The following DLGAP2 variants were observed in gnomAD, a reference collection of about 807,000 sequenced individuals.
DLGAP2 encodes the protein DLG associated protein 2.
Under a neutral mutation model 100.3 loss-of-function variants are expected in DLGAP2, and 26 were observed. The ratio of observed to expected loss-of-function variants is 0.26; its 90% CI spans 0.19 to 0.36. The LOEUF (loss-of-function observed/expected upper bound fraction) is 0.36. Among genes scored for constraint, DLGAP2 ranks in the 10% least tolerant of loss-of-function variants. The pLI is 1.00. For synonymous variants in DLGAP2, 886 were observed against 630.1 expected (o/e 1.41, Z -6.08); for missense variants, 1,858 against 1,453.2 (o/e 1.28, Z -4.53).
At chr8:1,455,961 G>A (rs905815197) in intron 3 of DLGAP2, among the ~76,000 whole-genome samples, 3 of 152,198 alleles carry the variant, frequency 2.0e-5, no homozygotes, top group Admixed American at 6.5e-5. Context: ...CATGTGGTCA[G>A]ACCCATTACA....
intron 1 of DLGAP2, among the ~76,000 whole-genome samples, chr8:785,059 T>C (rs1821801458): frequency 6.6e-6 from 1 of 150,922 alleles, no homozygotes; most frequent in South Asian, 2.1e-4. Context: ...TACAAAACAA[T>C]ACAAAACATT....
intron 2 of DLGAP2, among the ~76,000 whole-genome samples, chr8:1,131,209 C>T (rs965441422): frequency 3.3e-5 from 5 of 152,088 alleles, no homozygotes; most frequent in African/African-American, 9.7e-5. Context: ...CATTAGTAGC[C>T]ACTCAGAGTC....
intron 1 of DLGAP2, among the ~76,000 whole-genome samples, chr8:751,383 G>T (rs1820784899): frequency 6.6e-6 from 1 of 152,212 alleles, no homozygotes; most frequent in South Asian, 2.1e-4. Context: ...CTGGTGTTTG[G>T]CTGCTGCAAG....
intron 8 of DLGAP2, among the ~76,000 whole-genome samples, chr8:1,641,317 C>T (rs1290247835): frequency 6.6e-6 from 1 of 152,134 alleles, no homozygotes; most frequent in Non-Finnish European, 1.5e-5. Flanking sequence ...TAAAGATTTT[C>T]CCCAAGTGTG....
At chr8:757,938 C>T (rs748805103) in intron 1 of DLGAP2, among the ~76,000 whole-genome samples, 9 of 152,130 alleles carry the variant, frequency 5.9e-5, no homozygotes, top group African/African-American at 9.7e-5. Flanking sequence ...GACTGCTGGG[C>T]GGCGTGGGGC....
intron 1 of DLGAP2, among the ~76,000 whole-genome samples, chr8:907,252 T>C (rs533018861): frequency 1.3e-5 from 2 of 152,350 alleles, no homozygotes; most frequent in East Asian, 3.9e-4. Flanking sequence ...TTTCCTCTAA[T>C]TGAGTTTAGA....
intron 3 of DLGAP2, among the ~76,000 whole-genome samples, chr8:1,463,861 G>T (rs1172722849): frequency 1.3e-5 from 2 of 152,214 alleles, no homozygotes; most frequent in Admixed American, 1.3e-4. Flanking sequence ...AGCTCTGCTG[G>T]GGTTTTCTTT....
At chr8:1,629,882 G>A in intron 7 of DLGAP2, among the ~76,000 whole-genome samples, 1 of 152,158 alleles carries the variant, frequency 6.6e-6, no homozygotes, top group East Asian at 1.9e-4. Context: ...GGGGGTAAAT[G>A]TAAGCTAAAT....
chr8:1,288,698 T>TGG (rs1300349909), intron 3 of DLGAP2, among the ~76,000 whole-genome samples: 1 of 150,044 alleles, frequency 6.7e-6, no homozygotes, highest in African/African-American at 2.5e-5. Flanking sequence ...TGTGTGTGTG[T>TGG]GGTTCTGTTA....
chr8:1,242,069 C>G (rs146674035), intron 2 of DLGAP2, among the ~76,000 whole-genome samples: 1 of 152,080 alleles, frequency 6.6e-6, no homozygotes, highest in Non-Finnish European at 1.5e-5. Flanking sequence ...TTTGGTATAA[C>G]GGGATTTAAT....
intron 3 of DLGAP2, among the ~76,000 whole-genome samples, chr8:1,400,003 G>C (rs1362550180): frequency 5.8e-4 from 3 of 5,136 alleles, no homozygotes; most frequent in Admixed American, 1.7e-3. Context: ...CTCCGGAGTC[G>C]TGTATTGAGT....
intron 3 of DLGAP2, among the ~76,000 whole-genome samples, chr8:1,383,117 C>T (rs1460432555): frequency 1.3e-5 from 2 of 152,206 alleles, no homozygotes; most frequent in African/African-American, 4.8e-5. Flanking sequence ...TATGTTGTGA[C>T]ATTGCAGGGA....
intron 2 of DLGAP2, among the ~76,000 whole-genome samples, chr8:935,737 G>GCT: frequency 6.6e-6 from 1 of 152,194 alleles, no homozygotes; most frequent in South Asian, 2.1e-4. Flanking sequence ...CGTGCGTCCT[G>GCT]CTCTAGTTTC....
intron 11 of DLGAP2, 32 bp downstream of exon 11, chr8:1,676,650 C>G: frequency 1.9e-6 from 3 of 1,588,844 alleles, no homozygotes; most frequent in Non-Finnish European, 2.6e-6. Context: ...CGCGGTGACC[C>G]CCGAGCGAGG....
chr8:1,096,501 A>G (rs2600510), intron 2 of DLGAP2, among the ~76,000 whole-genome samples: 146,064 of 151,812 alleles, frequency 0.96, 70,394 homozygotes, highest in African/African-American at 0.99. Flanking sequence ...GGGACTCATC[A>G]AGCTCTGTGG....
At chr8:916,253 C>G (rs189778127) in intron 2 of DLGAP2, among the ~76,000 whole-genome samples, 7 of 152,196 alleles carry the variant, frequency 4.6e-5, no homozygotes, top group Non-Finnish European at 7.3e-5. Context: ...AAATTGATGA[C>G]AAAACCCAAG....
chr8:1,253,847 A>T (rs1799108293), intron 2 of DLGAP2, among the ~76,000 whole-genome samples: 1 of 152,198 alleles, frequency 6.6e-6, no homozygotes, highest in African/African-American at 2.4e-5. Flanking sequence ...TTGGGGAAGA[A>T]TTCATTGAAA....
At chr8:997,876 A>G (rs1368317037) in intron 2 of DLGAP2, among the ~76,000 whole-genome samples, 1 of 152,078 alleles carries the variant, frequency 6.6e-6, no homozygotes, top group Non-Finnish European at 1.5e-5. Flanking sequence ...AAACACACAT[A>G]CACACATGCA....
chr8:1,441,266 G>A (rs7827491), intron 3 of DLGAP2, among the ~76,000 whole-genome samples: 51,258 of 151,964 alleles, frequency 0.34, 8,728 homozygotes, highest in South Asian at 0.46. Context: ...ACTGCTTATC[G>A]TTGTATTTTA....
Sources: allele counts gnomAD v4.1 joint callset (sites outside exome capture counted in the v4.1 genomes callset), GRCh38; gene constraint gnomAD v4.1.1; transcripts MANE v1.5; gene names NCBI Gene and HGNC (gene_info 2026-07-23, HGNC 2026-07-21).